Variants in ELMO1 observed in about 807,000 individuals in gnomAD.
ELMO1 encodes the protein engulfment and cell motility protein 1.
Under a neutral mutation model 98.9 loss-of-function variants are expected in ELMO1, and 26 were observed. The ratio of observed to expected loss-of-function variants is 0.26; its 90% confidence interval spans 0.19 to 0.36. The LOEUF (loss-of-function observed/expected upper bound fraction) is 0.36, where lower values mean the gene tolerates loss of function less well. Among genes scored for constraint, ELMO1 ranks in the 10% least tolerant of loss-of-function variants. The pLI is 1.00. For synonymous variants in ELMO1, 346 were observed against 346.0 expected, an observed-to-expected ratio of 1.00 and a Z score of 0.00; for missense variants, 627 against 935.2, an observed-to-expected ratio of 0.67 and a Z score of 4.30.
intron 1 of ELMO1, among the ~76,000 whole-genome samples, chr7:37,357,128 T>C (rs1264184020): frequency 6.6e-6 from 1 of 152,214 alleles, no homozygotes; most frequent in Non-Finnish European, 1.5e-5. Context: ...GGCTGTCCAT[T>C]CTTTATCAAG....
At chr7:37,026,998 C>T (rs1373921708) in intron 15 of ELMO1, among the ~76,000 whole-genome samples, 2 of 152,142 alleles carry the variant, frequency 1.3e-5, no homozygotes, top group Non-Finnish European at 2.9e-5. Context: ...TTATGTTCCA[C>T]TTCAGGCACA....
intron 1 of ELMO1, among the ~76,000 whole-genome samples, chr7:37,348,717 T>G (rs903438271): frequency 2.0e-5 from 3 of 152,124 alleles, no homozygotes; most frequent in Non-Finnish European, 4.4e-5. Flanking sequence ...ACCTAGAAAC[T>G]CATCTCTCTA....
chr7:37,136,748 CAA>C (rs60360241), intron 13 of ELMO1, among the ~76,000 whole-genome samples: 1 of 140,728 alleles, frequency 7.1e-6, no homozygotes, highest in East Asian at 2.0e-4. Context: ...AACAAATCCT[CAA>C]AAAAAAAAAG....
chr7:36,987,404 C>T (rs1791589493), intron 16 of ELMO1, among the ~76,000 whole-genome samples: 1 of 152,152 alleles, frequency 6.6e-6, no homozygotes, highest in Admixed American at 6.5e-5. Context: ...CCCTCAGTTC[C>T]ACAGAGATTG....
chr7:37,149,350 C>T (rs1040695192), intron 13 of ELMO1, among the ~76,000 whole-genome samples: 2 of 152,142 alleles, frequency 1.3e-5, no homozygotes, highest in South Asian at 2.1e-4. Flanking sequence ...GGGGTAGGAG[C>T]CAACACATAC....
At chr7:37,182,501 C>G (rs1213227868) in intron 13 of ELMO1, among the ~76,000 whole-genome samples, 3 of 121,710 alleles carry the variant, frequency 2.5e-5, no homozygotes, top group East Asian at 2.5e-4. Context: ...GACGGAGTCT[C>G]GCTTGGTTGC....
At chr7:37,375,412 A>T (rs2131368994) in intron 1 of ELMO1, 3 of 608,216 alleles carry the variant, frequency 4.9e-6, no homozygotes, top group Non-Finnish European at 8.8e-6. Context: ...CCTCCCATAG[A>T]TAGCCTTGTT....
chr7:37,344,224 G>A (rs1326421757), intron 1 of ELMO1, among the ~76,000 whole-genome samples: 7 of 151,912 alleles, frequency 4.6e-5, no homozygotes, highest in Non-Finnish European at 1.0e-4. Context: ...TAGAGACAGG[G>A]TTTCGCCATG....
At chr7:37,060,997 C>T (rs921958883) in intron 15 of ELMO1, among the ~76,000 whole-genome samples, 3 of 152,028 alleles carry the variant, frequency 2.0e-5, no homozygotes, top group Admixed American at 6.5e-5. Context: ...TGACTACTCT[C>T]GATTTCCCAA....
At chr7:37,204,161 C>G (rs1160745203) in intron 13 of ELMO1, 1 of 456,472 alleles carries the variant, frequency 2.2e-6, no homozygotes, top group Admixed American at 2.3e-5. Context: ...ATGGTCCCAT[C>G]TGGGTGGCCA....
At chr7:37,163,124 A>C (rs1789344419) in intron 13 of ELMO1, among the ~76,000 whole-genome samples, 1 of 152,212 alleles carries the variant, frequency 6.6e-6, no homozygotes, top group Non-Finnish European at 1.5e-5. Context: ...GATTTGAGCC[A>C]GTTTCAGTTA....
At chr7:37,264,420 T>C (rs1289953576) in intron 5 of ELMO1, among the ~76,000 whole-genome samples, 1 of 152,212 alleles carries the variant, frequency 6.6e-6, no homozygotes. Context: ...TGTGGTTATT[T>C]ATGAATTGTA....
chr7:37,183,679 C>T (rs1018460075), intron 13 of ELMO1, among the ~76,000 whole-genome samples: 2 of 151,724 alleles, frequency 1.3e-5, no homozygotes, highest in African/African-American at 2.4e-5. Context: ...CTATGTCCCC[C>T]ACCTCCCTCA....
At chr7:37,222,539 TAGA>T (rs1793655623) in intron 10 of ELMO1, 73 bp downstream of exon 10, 13 of 1,414,260 alleles carry the variant, frequency 9.2e-6, no homozygotes, top group South Asian at 1.2e-5. Flanking sequence ...AGTCCCCGAA[TAGA>T]AGGAGAGGGC....
At chr7:36,930,979 A>G (rs1019832942) in intron 16 of ELMO1, among the ~76,000 whole-genome samples, 1 of 152,316 alleles carries the variant, frequency 6.6e-6, no homozygotes, top group Middle Eastern at 3.4e-3. Flanking sequence ...GTCAGAATGG[A>G]TAAGAGTTTC....
At position 37,428,030 on chromosome 7, in the gene ELMO1, GGT is replaced by G. The variant is rs10681558; in HGVS notation, c.-74+20643_-74+20644del. Among the ~76,000 whole-genome samples the G allele has an allele frequency of 4.6e-3, 696 of 149,884 alleles. 9 individuals are homozygous for G. Among genetic ancestry groups the G allele is most frequent in the Middle Eastern group, 6.9e-3 (2 of 288 alleles). On this transcript the variant is annotated intron_variant, in intron 1 of 21. Transcript: ENST00000310758. ...ATCTACATGAAGGATGTATGCTTGGGGTGTGTGTGTGTGTGTGTGTGTGTGTG... is the reference window on the plus strand; with the variant it reads ...ATCTACATGAAGGATGTATGCTTGGGGTGTGTGTGTGTGTGTGTGTGTGTG...
At chr7:36,864,717 A>T (rs1050751213) in intron 20 of ELMO1, among the ~76,000 whole-genome samples, 55 of 152,236 alleles carry the variant, frequency 3.6e-4, no homozygotes, top group African/African-American at 1.3e-3. Context: ...TGCCCCCCTC[A>T]GGGCCTACTT....
chr7:37,379,750 G>A (rs112405029), intron 1 of ELMO1, among the ~76,000 whole-genome samples: 2,496 of 152,212 alleles, frequency 0.016, 67 homozygotes, highest in African/African-American at 0.057. Context: ...AACAATAGGA[G>A]ATATCAGACT....
chr7:37,386,696 G>A (rs1040954832), intron 1 of ELMO1, among the ~76,000 whole-genome samples: 1 of 152,060 alleles, frequency 6.6e-6, no homozygotes, highest in East Asian at 1.9e-4. Flanking sequence ...CCACAGTCAG[G>A]TCGGGTAAGT....
Sources: allele counts gnomAD v4.1 joint callset (sites outside exome capture counted in the v4.1 genomes callset), GRCh38; gene constraint gnomAD v4.1.1; transcripts MANE v1.5; gene names NCBI Gene and HGNC (gene_info 2026-07-23, HGNC 2026-07-21).